The following CHST11 variants were observed in gnomAD, a reference collection of about 807,000 sequenced individuals.
CHST11 encodes carbohydrate sulfotransferase 11.
A neutral mutation model predicts 30.4 loss-of-function variants in CHST11; 9 were observed. The observed-to-expected ratio is 0.30, with a 90% CI of 0.18 to 0.52. The LOEUF is 0.52. CHST11 is among the 20% of genes least tolerant of loss of function. CHST11 has a pLI of 0.97. For missense variants in CHST11, 348 were observed against 460.6 expected, an observed-to-expected ratio of 0.76 and a Z score of 2.24; for synonymous variants, 152 against 187.8, an observed-to-expected ratio of 0.81 and a Z score of 1.56.
At chr12:104,509,903 A>G (rs558670398) in intron 1 of CHST11, among the ~76,000 whole-genome samples, 1 of 152,244 alleles carries the variant, frequency 6.6e-6, no homozygotes, top group South Asian at 2.1e-4. Context: ...AATAGCTTAG[A>G]GTAGGTGTTC....
intron 2 of CHST11, among the ~76,000 whole-genome samples, chr12:104,690,012 G>T (rs969077746): frequency 6.6e-6 from 1 of 152,108 alleles, no homozygotes; most frequent in Non-Finnish European, 1.5e-5. Context: ...ACATTCTCAA[G>T]AATATTTTCA....
intron 1 of CHST11, among the ~76,000 whole-genome samples, chr12:104,537,034 T>C (rs191412729): frequency 1.3e-5 from 2 of 152,348 alleles, no homozygotes; most frequent in East Asian, 3.9e-4. Flanking sequence ...ATTTCTTCAC[T>C]GTCAGGTTCA....
At chr12:104,537,788 C>T (rs555408692) in intron 1 of CHST11, among the ~76,000 whole-genome samples, 65 of 151,132 alleles carry the variant, frequency 4.3e-4, no homozygotes, top group African/African-American at 7.6e-4. Context: ...CTCAAATTCC[C>T]GGGCTCTGGT....
At chr12:104,527,366 C>T (rs1482403853) in intron 1 of CHST11, among the ~76,000 whole-genome samples, 1 of 152,184 alleles carries the variant, frequency 6.6e-6, no homozygotes, top group African/African-American at 2.4e-5. Flanking sequence ...ATATTTCCAA[C>T]CTCATGGAGT....
At chr12:104,583,941 G>A (rs966772805) in intron 1 of CHST11, among the ~76,000 whole-genome samples, 3 of 152,176 alleles carry the variant, frequency 2.0e-5, no homozygotes, top group African/African-American at 4.8e-5. Flanking sequence ...CCAAACTCCC[G>A]ACCTCAAGTG....
chr12:104,617,910 CTT>C (rs112111398), intron 2 of CHST11, among the ~76,000 whole-genome samples: 1 of 146,532 alleles, frequency 6.8e-6, no homozygotes. Flanking sequence ...TTCCTTTTTC[CTT>C]TTTTTTTTTC....
chr12:104,724,424 G>A (rs2040201771), intron 2 of CHST11, among the ~76,000 whole-genome samples: 1 of 152,184 alleles, frequency 6.6e-6, no homozygotes, highest in African/African-American at 2.4e-5. Flanking sequence ...GAATGCCACT[G>A]AACTGGAAGG....
intron 2 of CHST11, among the ~76,000 whole-genome samples, chr12:104,716,297 G>A (rs2040130604): frequency 6.6e-6 from 1 of 152,166 alleles, no homozygotes; most frequent in African/African-American, 2.4e-5. Flanking sequence ...ATGCAGCATA[G>A]TATAGTGATG....
chr12:104,679,158 G>A (rs149553084), intron 2 of CHST11, among the ~76,000 whole-genome samples: 1 of 152,288 alleles, frequency 6.6e-6, no homozygotes, highest in Non-Finnish European at 1.5e-5. Flanking sequence ...GGAATTTAGA[G>A]AGATTCAGTC....
chr12:104,496,217 G>T (rs1252818791), intron 1 of CHST11, among the ~76,000 whole-genome samples: 3 of 152,184 alleles, frequency 2.0e-5, no homozygotes, highest in Non-Finnish European at 4.4e-5. Flanking sequence ...TGGCAGTGGG[G>T]AGGAAGGTGT....
intron 1 of CHST11, among the ~76,000 whole-genome samples, chr12:104,507,013 C>G (rs569429285): frequency 6.6e-6 from 1 of 152,056 alleles, no homozygotes; most frequent in East Asian, 1.9e-4. Context: ...GTTGCCAAGC[C>G]GGGAAGATTC....
chr12:104,537,836 C>T (rs2038252403), intron 1 of CHST11, among the ~76,000 whole-genome samples: 1 of 151,900 alleles, frequency 6.6e-6, no homozygotes, highest in Admixed American at 6.6e-5. Flanking sequence ...ACCGGGACCA[C>T]AGGTGCGTAC....
At chr12:104,662,433 C>A (rs1358803944) in intron 2 of CHST11, among the ~76,000 whole-genome samples, 3 of 152,150 alleles carry the variant, frequency 2.0e-5, no homozygotes, top group Non-Finnish European at 4.4e-5. Context: ...CTTATCATTG[C>A]GGTTAGTGAT....
At chr12:104,725,514 A>C (rs138503725) in intron 2 of CHST11, among the ~76,000 whole-genome samples, 6 of 149,546 alleles carry the variant, frequency 4.0e-5, no homozygotes, top group Non-Finnish European at 8.9e-5. Context: ...TAAAGCTGTT[A>C]ATTTTTTTTT....
At chr12:104,603,480 T>A (rs548053684) in intron 2 of CHST11, among the ~76,000 whole-genome samples, 40 of 152,354 alleles carry the variant, frequency 2.6e-4, no homozygotes, top group Middle Eastern at 3.4e-3. Flanking sequence ...TGTTGGCTCC[T>A]CAGTACCTAA....
intron 2 of CHST11, among the ~76,000 whole-genome samples, chr12:104,698,811 C>G (rs1163305162): frequency 6.6e-6 from 1 of 152,138 alleles, no homozygotes; most frequent in African/African-American, 2.4e-5. Flanking sequence ...TATTATTAAT[C>G]AGGAAGTCTT....
At chr12:104,651,774 G>A (rs954153890) in intron 2 of CHST11, among the ~76,000 whole-genome samples, 1 of 152,166 alleles carries the variant, frequency 6.6e-6, no homozygotes, top group Non-Finnish European at 1.5e-5. Flanking sequence ...AATGCCTCCT[G>A]CTTTCTACTG....
intron 2 of CHST11, among the ~76,000 whole-genome samples, chr12:104,703,756 G>A (rs1056062272): frequency 6.6e-6 from 1 of 152,224 alleles, no homozygotes; most frequent in Non-Finnish European, 1.5e-5. Flanking sequence ...CCAGGCACAT[G>A]CTAAGCACAC....
intron 1 of CHST11, among the ~76,000 whole-genome samples, chr12:104,531,465 C>CAAAAAAAAA (rs1439489189): frequency 8.3e-6 from 1 of 119,904 alleles, no homozygotes; most frequent in African/African-American, 3.3e-5. Flanking sequence ...ATCCTGTGTC[C>CAAAAAAAAA]AAAAAAAAAA....
Sources: gnomAD v4.1 joint callset for allele counts (sites outside exome capture counted in the v4.1 genomes callset) on GRCh38, gnomAD v4.1.1 for gene constraint, MANE v1.5 for transcripts, NCBI Gene and HGNC (gene_info 2026-07-23, HGNC 2026-07-21) for gene names.